Variants in PLA2G2C observed in about 807,000 individuals in gnomAD.
The protein encoded by PLA2G2C is putative inactive group IIC secretory phospholipase A2.
PLA2G2C carries 15 observed loss-of-function variants against 14.3 expected under a neutral mutation model. That is an observed-to-expected ratio of 1.05 (90% CI 0.70 to 1.62). The LOEUF (loss-of-function observed/expected upper bound fraction) is 1.62, where lower values mean the gene tolerates loss of function less well. PLA2G2C is among the 40% of genes most tolerant of loss of function. The pLI is 0.00. For missense variants in PLA2G2C, 162 were observed against 173.2 expected (o/e 0.94, Z 0.36); for synonymous variants, 79 against 67.7 (o/e 1.17, Z -0.82).
rs370597428 is a variant in PLA2G2C at position 20,175,066 on chromosome 1, G to A, written c.120C>T (p.Tyr40=). 101 of 1,613,992 alleles carry A rather than the reference G, an allele frequency of 6.3e-5. No homozygotes were observed. The highest frequency in any genetic ancestry group is 1.0e-4 in the Admixed American group (6 of 60,026). Residue 40 remains tyrosine, a synonymous_variant, in exon 3 of 5, where the codon TAC becomes TAT. Transcript: ENST00000679259. ...CAAGCCCACAGTAGCAGCCATATCC[G>A]TAATATGAGAAGAAGGCACTTCGCC... is the stretch of plus-strand genomic sequence containing the variant. ...ITGRSAFFSY[Y]GYGCYCGLGD...
In PLA2G2C at chr1:20,170,035, C is replaced by A. The variant is rs1055248205; in HGVS notation, c.283+2759G>T. Among the ~76,000 whole-genome samples, 12 of 152,346 alleles carry A rather than the reference C, an allele frequency of 7.9e-5. No homozygotes were observed. The South Asian group carries it at 1.2e-3, about 16-fold the overall frequency. ...AGGGCACCCGGGGTTTGAATTCCAA[C>A]TCTTCTTTCCCTGGCTGTGTGGCCT... is the stretch of plus-strand genomic sequence containing the variant. On this transcript the variant is annotated intron_variant, in intron 4 of 4. Transcript: ENST00000679259.
At chr1:20,165,780 G>A (rs948898674) in intron 4 of PLA2G2C, among the ~76,000 whole-genome samples, 7 of 151,992 alleles carry the variant, frequency 4.6e-5, no homozygotes, top group South Asian at 4.2e-4. Flanking sequence ...ATGTGCGTGC[G>A]CATGTGTGTG....
intron 1 of PLA2G2C, among the ~76,000 whole-genome samples, chr1:20,179,198 CTA>C (rs747534509): frequency 1.4e-5 from 2 of 146,858 alleles, no homozygotes; most frequent in African/African-American, 2.6e-5. Context: ...AACTTCCCCT[CTA>C]TGTCAGTTTC....
At chr1:20,172,459 C>G (rs2301473) in intron 4 of PLA2G2C, among the ~76,000 whole-genome samples, 50,468 of 152,054 alleles carry the variant, frequency 0.33, 8,910 homozygotes, top group East Asian at 0.65. Flanking sequence ...TTAACAAAAT[C>G]ACAGAAACAA....
intron 1 of PLA2G2C, among the ~76,000 whole-genome samples, chr1:20,182,015 A>G (rs1359636445): frequency 6.6e-6 from 1 of 152,172 alleles, no homozygotes; most frequent in East Asian, 1.9e-4. Context: ...CTGGCCCCCC[A>G]CAGAATGCCA....
In PLA2G2C at chr1:20,172,909, T is replaced by C; in HGVS notation, c.180-12A>G. 1 of 1,606,644 alleles carries C rather than the reference T, an allele frequency of 6.2e-7. No individual in the cohort carries two copies. Among genetic ancestry groups the C allele is most frequent in the Non-Finnish European group, 8.5e-7 (1 of 1,173,902 alleles). ...ATGAGGGGCTGTGCCTGGAAGTGGG[T>C]CCCTCAGGAATCTGCTGGAGGACCT... is the stretch of plus-strand genomic sequence containing the variant. On this transcript the variant is annotated splice_polypyrimidine_tract_variant and intron_variant, in intron 3 of 4. Transcript: ENST00000679259.
intron 1 of PLA2G2C, among the ~76,000 whole-genome samples, chr1:20,178,533 GC>G (rs1280482489): frequency 1.3e-5 from 2 of 152,178 alleles, no homozygotes; most frequent in African/African-American, 4.8e-5. Flanking sequence ...CCCTGACCAG[GC>G]CTGGTCCCAG....
chr1:20,183,380 G>A (rs1449622742), intron 1 of PLA2G2C, among the ~76,000 whole-genome samples: 2 of 152,208 alleles, frequency 1.3e-5, no homozygotes, highest in African/African-American at 2.4e-5. Context: ...GGCCATGGGG[G>A]AACACGCAGG....
At chr1:20,169,306 T>G (rs547428524) in intron 4 of PLA2G2C, among the ~76,000 whole-genome samples, 36 of 152,154 alleles carry the variant, frequency 2.4e-4, no homozygotes, top group African/African-American at 8.4e-4. Context: ...GCCTTCTGAG[T>G]AGCTGGGACT....
Position 20,164,022 on chromosome 1 carries a change from G to T in PLA2G2C, c.419C>A (p.Pro140His). Residue 140 changes from proline (P) to histidine (H), a missense_variant, in exon 5 of 5, where the codon CCC becomes CAC. Pro to His is a moderately conservative substitution (Grantham distance 77). Coordinates refer to ENST00000679259, the MANE Select transcript of PLA2G2C (RefSeq NM_001367969.2). ...CCAGGGCTTATGTCTGCCACACCTG[G>T]GCTGGCTGGAGAACTGCTTGAAGTT... ...EKNFKQFSSQ[P>H]RCGRHKPWC The T allele has an allele frequency of 6.2e-7, 1 of 1,613,428 alleles. No homozygotes were observed.
intron 4 of PLA2G2C, among the ~76,000 whole-genome samples, chr1:20,166,617 C>T (rs1557784874): frequency 1.3e-5 from 2 of 152,222 alleles, no homozygotes; most frequent in African/African-American, 4.8e-5. Context: ...TCTTTCTCGT[C>T]CCTCTCTCTT....
chr1:20,170,784 G>A (rs2018060339), intron 4 of PLA2G2C, among the ~76,000 whole-genome samples: 2 of 143,380 alleles, frequency 1.4e-5, no homozygotes, highest in Admixed American at 6.8e-5. Context: ...AGGAGCCCTG[G>A]TCAAGGCTTC....
chr1:20,172,476 A>T (rs2018101769), intron 4 of PLA2G2C, among the ~76,000 whole-genome samples: 1 of 152,142 alleles, frequency 6.6e-6, no homozygotes, highest in East Asian at 1.9e-4. Context: ...ACAAGGAAAC[A>T]TGTTCTCAAC....
chr1:20,163,876 T>G lies in PLA2G2C; in HGVS notation c.*115A>C. ...GGGTGAGCTGCCCTGCGGGAGACAT[T>G]TTGTCCTCCCTCCCAGTGGAAGAAC... On this transcript the variant is annotated 3_prime_UTR_variant, in exon 5 of 5. Coordinates refer to ENST00000679259, the MANE Select transcript of PLA2G2C (RefSeq NM_001367969.2). 1 of 1,204,862 alleles carries G rather than the reference T, an allele frequency of 8.3e-7. No homozygotes were observed. The highest frequency in any genetic ancestry group is 1.1e-6 in the Non-Finnish European group (1 of 878,918). The allele number at this position is 1,204,862 out of a possible 1,614,324, so 74.6% of individuals were successfully genotyped here.
intron 4 of PLA2G2C, among the ~76,000 whole-genome samples, chr1:20,165,374 CT>C (rs2017957970): frequency 6.6e-6 from 1 of 152,210 alleles, no homozygotes; most frequent in Non-Finnish European, 1.5e-5. Flanking sequence ...ACTCACTGTG[CT>C]TTTTACTTAA....
intron 4 of PLA2G2C, 42 bp downstream of exon 4, chr1:20,172,752 G>A: frequency 2.0e-6 from 3 of 1,520,020 alleles, no homozygotes; most frequent in Non-Finnish European, 1.8e-6. Flanking sequence ...TTAAGGAAAG[G>A]CCCAGGTTAA....
At chr1:20,182,758 G>A (rs765728491) in intron 1 of PLA2G2C, among the ~76,000 whole-genome samples, 2 of 152,246 alleles carry the variant, frequency 1.3e-5, no homozygotes, top group Non-Finnish European at 1.5e-5. Flanking sequence ...TGTCTAATGA[G>A]ACCAAGGACA....
At chr1:20,171,911 A>G (rs1025211239) in intron 4 of PLA2G2C, among the ~76,000 whole-genome samples, 23 of 150,768 alleles carry the variant, frequency 1.5e-4, no homozygotes, top group East Asian at 9.8e-4. Context: ...ACAGGCGCCC[A>G]CCATCACGCC....
chr1:20,164,858 C>G (rs1227003916), intron 4 of PLA2G2C, among the ~76,000 whole-genome samples: 1 of 152,228 alleles, frequency 6.6e-6, no homozygotes, highest in Non-Finnish European at 1.5e-5. Flanking sequence ...TAAAATAGCC[C>G]ATGTTCTGCC....
Sources: gnomAD v4.1 joint callset for allele counts (sites outside exome capture counted in the v4.1 genomes callset) on GRCh38, gnomAD v4.1.1 for gene constraint, MANE v1.5 for transcripts, NCBI Gene and HGNC (gene_info 2026-07-23, HGNC 2026-07-21) for gene names.